Variants in SETD1B observed in about 807,000 individuals in gnomAD.
SETD1B encodes the protein histone-lysine N-methyltransferase SETD1B.
SETD1B carries 7 observed loss-of-function variants against 148.0 expected under a neutral mutation model. That is an observed-to-expected ratio of 0.05 (90% CI 0.03 to 0.09). The LOEUF (loss-of-function observed/expected upper bound fraction) is 0.09, where lower values mean the gene tolerates loss of function less well. Among genes scored for constraint, SETD1B ranks in the 10% least tolerant of loss-of-function variants. SETD1B has a pLI of 1.00. For synonymous variants in SETD1B, 1,361 were observed against 1,186.5 expected (o/e 1.15, Z -3.02); for missense variants, 2,155 against 2,729.9 (o/e 0.79, Z 4.69).
At chr12:121,828,500 A>G (rs1462733280) in intron 16 of SETD1B, among the ~76,000 whole-genome samples, 1 of 152,238 alleles carries the variant, frequency 6.6e-6, no homozygotes, top group Non-Finnish European at 1.5e-5. Context: ...GGTGGTGAGC[A>G]CTGGAAATGT....
Position 121,823,707 on chromosome 12 carries a change from G to A in SETD1B, c.5128G>A (p.Gly1710Ser). 1 of 1,551,524 alleles carries A rather than the reference G, an allele frequency of 6.4e-7. No individual in the cohort carries two copies. The highest frequency in any genetic ancestry group is 8.7e-7 in the Non-Finnish European group (1 of 1,146,986). Residue 1710 changes from glycine to serine, a missense_variant, in exon 12 of 17, where the codon GGC becomes AGC. Transcript: ENST00000604567. ...TYERLLQQDN[G>S]MDWLNDTLWV... ...CGAGCGACTGCTACAGCAGGACAAT[G>A]GCATGGACTGGCTTAACGACACGCT...
intron 13 of SETD1B, 126 bp from the exon 14 acceptor site, chr12:121,827,393 C>T (rs539920510): frequency 4.1e-5 from 50 of 1,210,126 alleles, no homozygotes; most frequent in East Asian, 2.3e-4. Context: ...AATTAGGGAC[C>T]GACAGGTGTG....
intron 13 of SETD1B, 42 bp from the exon 14 acceptor site, chr12:121,827,477 A>G: frequency 6.7e-7 from 1 of 1,497,004 alleles, no homozygotes; most frequent in Non-Finnish European, 8.9e-7. Flanking sequence ...ACCGCCGAGG[A>G]CACGGCCAGC....
rs543855650 is a variant in SETD1B at position 121,809,902 on chromosome 12, C to T, written c.957C>T (p.Asp319=). Reference sequence around the variant, plus strand: ...GGCGCCACGAGAGCAAGTTCACGGACGCCTACAACCGCCGCCACGAACATC... The same window carrying T: ...GGCGCCACGAGAGCAAGTTCACGGATGCCTACAACCGCCGCCACGAACATC... ...KARRHESKFT[D]AYNRRHEHHY... The change falls in exon 6 of 17, where the codon GAC becomes GAT. Residue 319 remains aspartate, a synonymous_variant. Coordinates refer to ENST00000604567, the MANE Select transcript of SETD1B (RefSeq NM_001353345.2). 7.5e-5 allele frequency: 117 copies of T among 1,550,874 alleles called. 1 individual carries two copies. The South Asian group carries it at 1.1e-3, about 14-fold the overall frequency.
At chr12:121,795,702 G>C in the SETD1B span, 1 of 153,058 alleles carries the variant, frequency 6.5e-6, no homozygotes, top group East Asian at 1.9e-4. Flanking sequence ...GGTTCCCCAG[G>C]ACGACAGGAG....
At chr12:121,814,984 C>G in intron 7 of SETD1B, 54 bp downstream of exon 7, 3 of 1,448,408 alleles carry the variant, frequency 2.1e-6, no homozygotes, top group African/African-American at 1.4e-5. Flanking sequence ...GGGCAGGTCC[C>G]CAGCCGGGCA....
intron 7 of SETD1B, among the ~76,000 whole-genome samples, chr12:121,816,413 A>G (rs952152650): frequency 3.3e-5 from 5 of 152,184 alleles, no homozygotes; most frequent in Admixed American, 6.5e-5. Context: ...ATTAGAATGA[A>G]CCGTCTGAAA....
Position 121,804,673 on chromosome 12 carries a change from C to T in SETD1B, c.-14-51C>T, listed in dbSNP as rs1875625894. The T allele has an allele frequency of 1.3e-6, 2 of 1,494,696 alleles. No individual in the cohort carries two copies. The highest frequency in any genetic ancestry group is 1.2e-5 in the South Asian group (1 of 81,100). 92.6% of individuals were successfully genotyped at this position (1,494,696 alleles called of 1,614,324 possible). A position where few individuals can be genotyped will look rare whatever the true frequency, so the allele number is the denominator to read the frequency against. On this transcript the variant is annotated intron_variant, in intron 1 of 16. Transcript: ENST00000604567. The surrounding 1 kb of genome is among the most constrained non-coding windows in gnomAD (Gnocchi z 4.6). ...GGATTCTTTCGCGTGTGTGTAGAAG[C>T]GGCCGCCGCCGCCGCCGCGGCGGAG...
Position 121,819,777 on chromosome 12 carries a change from C to G in SETD1B, c.3792C>G (p.Asp1264Glu). 1 of 1,551,618 alleles carries G rather than the reference C, an allele frequency of 6.4e-7. No individual in the cohort carries two copies. ...CTGTGGGTGTTGAAGAGCCAGCGGA[C>G]TCCAGGGAGCCGCCTGAGGAACCAG... is the stretch of plus-strand genomic sequence containing the variant. ...PLPVGVEEPADSREPPEEPGL... is the reference protein window; with the variant it reads ...PLPVGVEEPAESREPPEEPGL... The change falls in exon 11 of 17, where the codon GAC becomes GAG. Residue 1264 changes from aspartate to glutamate, a missense_variant. Physicochemically the swap from Asp to Glu is conservative, Grantham distance 45. This residue lies in a region of SETD1B where 862 missense variants were observed against 873.8 expected (regional missense o/e 0.99). Coordinates refer to ENST00000604567, the MANE Select transcript of SETD1B (RefSeq NM_001353345.2).
At position 121,829,714 on chromosome 12, in the gene SETD1B, C is replaced by A. The variant is rs558082512; in HGVS notation, c.5728-352C>A. ...ATGGGAGAATGGATATGGCTATGTG[C>A]CAGTAAAACTTTATTTACAAAAACA... On this transcript the variant is annotated intron_variant, in intron 16 of 16. Coordinates refer to ENST00000604567, the MANE Select transcript of SETD1B (RefSeq NM_001353345.2). 9.9e-5 allele frequency among the ~76,000 whole-genome samples: 15 copies of A among 152,256 alleles called. No individual in the cohort carries two copies. In the South Asian group the frequency reaches 1.2e-3, roughly 13 times the overall value.
At position 121,809,941 on chromosome 12, in the gene SETD1B, T is replaced by C; in HGVS notation, c.996T>C (p.Asn332=). The stretch of plus-strand genomic sequence containing the variant: ...GCCACGAACATCATTATGTACACAA[T>C]TCTCCCGCGGTCACTGCGGTGGCCG... ...NRRHEHHYVH[N]SPAVTAVAGA... The change falls in exon 6 of 17, where the codon AAT becomes AAC. Residue 332 remains asparagine (N), a synonymous_variant. Transcript: ENST00000604567. 6.4e-7 allele frequency: 1 copy of C among 1,551,058 alleles called. No individual in the cohort carries two copies. Among genetic ancestry groups the C allele is most frequent in the Admixed American group, 2.0e-5 (1 of 50,996 alleles).
chr12:121,806,163 C>A, intron 4 of SETD1B, 58 bp downstream of exon 4: 3 of 1,521,050 alleles, frequency 2.0e-6, no homozygotes, highest in South Asian at 2.5e-5. Flanking sequence ...TTTCCCTCCC[C>A]ACCCTTCCTG....
Position 121,830,027 on chromosome 12 carries a change from G to A in SETD1B, c.5728-39G>A, listed in dbSNP as rs963816729. On this transcript the variant is annotated intron_variant, in intron 16 of 16. Transcript: ENST00000604567. This position sits in a 1 kb window ranked among gnomAD's most constrained non-coding sequence, Gnocchi z 5.7. ...GGTCTGCAGTGGTGGGGGACCCTGG[G>A]GGACCAGGGGCTCATTCTCCCCCCC... 1.3e-6 allele frequency: 2 copies of A among 1,532,918 alleles called. No individual in the cohort carries two copies. The highest frequency in any genetic ancestry group is 1.4e-5 in the African/African-American group (1 of 72,704). 95.0% of individuals were successfully genotyped at this position (1,532,918 alleles called of 1,614,324 possible).
intron 16 of SETD1B, among the ~76,000 whole-genome samples, chr12:121,828,761 T>C (rs765220509): frequency 6.6e-6 from 1 of 152,258 alleles, no homozygotes; most frequent in Non-Finnish European, 1.5e-5. Context: ...ATGTCTCTTA[T>C]GCCTGAGTTT....
chr12:121,825,439 G>A (rs1876794860), intron 13 of SETD1B, 73 bp downstream of exon 13: 6 of 1,425,290 alleles, frequency 4.2e-6, no homozygotes, highest in Non-Finnish European at 5.7e-6. Context: ...CTCATGGAGG[G>A]GTGCCAGGCA....
intron 13 of SETD1B, among the ~76,000 whole-genome samples, chr12:121,826,755 C>T (rs1011403892): frequency 1.3e-5 from 2 of 151,744 alleles, no homozygotes; most frequent in African/African-American, 4.8e-5. Context: ...GAGCCATTAG[C>T]TGTGGAAGAA....
chr12:121,822,381 G>C (rs1735745214), intron 11 of SETD1B, 109 bp from the exon 12 acceptor site: 1 of 1,322,856 alleles, frequency 7.6e-7, no homozygotes, highest in Non-Finnish European at 1.0e-6. Context: ...GACAGGTCCC[G>C]TGCTCAGACT....
At chr12:121,818,984 CCTT>C (rs1876435536) in intron 10 of SETD1B, among the ~76,000 whole-genome samples, 1 of 152,068 alleles carries the variant, frequency 6.6e-6, no homozygotes, top group South Asian at 2.1e-4. Context: ...GTGGCTCACT[CCTT>C]TAATCCCAGC....
chr12:121,822,612 G>A lies in SETD1B; in HGVS notation c.4033G>A (p.Ala1345Thr). Residue 1345 changes from alanine (A) to threonine (T), a missense_variant, in exon 12 of 17, where the codon GCC becomes ACC. By Grantham distance (58) the Ala-to-Thr change is moderately conservative. This residue lies in a region of SETD1B where 862 missense variants were observed against 873.8 expected (regional missense o/e 0.99). Transcript: ENST00000604567. ...SPPPEPETTD[A>T]SHPSVPPEPL... ...ACCGCCGGAGCCTGAGACCACAGAT[G>A]CCTCACACCCATCTGTCCCTCCGGA... 1 of 1,551,188 alleles carries A rather than the reference G, an allele frequency of 6.4e-7. No homozygotes were observed. The highest frequency in any genetic ancestry group is 8.7e-7 in the Non-Finnish European group (1 of 1,146,758).
Sources: allele counts gnomAD v4.1 joint callset (sites outside exome capture counted in the v4.1 genomes callset), GRCh38; gene constraint gnomAD v4.1.1; regional missense constraint gnomAD v4.1.1; non-coding constraint Gnocchi (gnomAD v3.1); transcripts MANE v1.5; gene names NCBI Gene and HGNC (gene_info 2026-07-23, HGNC 2026-07-21).